The following ATXN10 variants were observed in gnomAD, a reference collection of about 807,000 sequenced individuals.
ATXN10 encodes ataxin 10, also known as ataxin-10.
Under a neutral mutation model 52.9 loss-of-function variants are expected in ATXN10, and 28 were observed. The observed-to-expected ratio is 0.53, with a 90% CI of 0.39 to 0.73. The LOEUF is 0.73. Among genes scored for constraint, ATXN10 ranks in the 30% least tolerant of loss-of-function variants. ATXN10 has a pLI of 0.00. For missense variants in ATXN10, 565 were observed against 577.0 expected (o/e 0.98, Z 0.21); for synonymous variants, 226 against 221.5 (o/e 1.02, Z -0.18).
Position 45,818,304 on chromosome 22 carries a change from G to C in ATXN10, c.1237+11282G>C, listed in dbSNP as rs79630679. 0.088 allele frequency among the ~76,000 whole-genome samples: 13,404 copies of C among 152,178 alleles called. 765 individuals are homozygous for C. Among genetic ancestry groups the C allele is most frequent in the Middle Eastern group, 0.15 (45 of 294 alleles). ...AGTTATGCACTTGTGTGTCTTTAGA[G>C]CCATGGTCACTGCGTCCCTCTCTCT... On this transcript the variant is annotated intron_variant, in intron 10 of 11. Coordinates refer to ENST00000252934, the MANE Select transcript of ATXN10 (RefSeq NM_013236.4). This position sits in a 1 kb window ranked among gnomAD's most constrained non-coding sequence, Gnocchi z 4.6.
chr22:45,738,655 C>A (rs1925392076), intron 7 of ATXN10, 76 bp from the exon 8 acceptor site: 29 of 1,168,220 alleles, frequency 2.5e-5, no homozygotes, highest in East Asian at 8.0e-5. Context: ...ATATTTTATT[C>A]TCTTACAGTT....
Position 45,828,825 on chromosome 22 carries a change from C to A in ATXN10, c.1238-14166C>A, listed in dbSNP as rs963678747. ...TGATGCCTTCACTGGTGAATTCTAG[C>A]AAACATTTCAAGGGGAACTAATACC... On this transcript the variant is annotated intron_variant, in intron 10 of 11. Transcript: ENST00000252934. The surrounding 1 kb of genome is among the most constrained non-coding windows in gnomAD (Gnocchi z 4.5). Among the ~76,000 whole-genome samples the A allele has an allele frequency of 6.6e-6, 1 of 152,146 alleles. No individual in the cohort carries two copies. The highest frequency in any genetic ancestry group is 1.5e-5 in the Non-Finnish European group (1 of 68,018).
In ATXN10 at chr22:45,777,535, C is replaced by G. The variant is rs1009327625; in HGVS notation, c.1174-29424C>G. On this transcript the variant is annotated intron_variant, in intron 9 of 11. Coordinates refer to ENST00000252934, the MANE Select transcript of ATXN10 (RefSeq NM_013236.4). ...GATGATTAATGCATTCAGCTATGTT[C>G]AGCCTCACGTTTAACCAGGTTAGTG... 5.9e-5 allele frequency among the ~76,000 whole-genome samples: 9 copies of G among 152,330 alleles called. No homozygotes were observed. In the South Asian group the frequency reaches 1.9e-3, roughly 32 times the overall value.
At chr22:45,791,020 A>C (rs1406227730) in intron 9 of ATXN10, among the ~76,000 whole-genome samples, 2 of 152,088 alleles carry the variant, frequency 1.3e-5, no homozygotes, top group Non-Finnish European at 2.9e-5. Context: ...ACACCCAGCT[A>C]ATTTTTTAAA....
chr22:45,751,763 A>AAAAAAAAAAAAAAAAAAAT, intron 9 of ATXN10, among the ~76,000 whole-genome samples: 30 of 66,588 alleles, frequency 4.5e-4, no homozygotes, highest in Non-Finnish European at 7.4e-4. Context: ...AATAAAAAAA[A>AAAAAAAAAAAAAAAAAAAT]AATAATAATA....
rs1241686969 is a variant in ATXN10, at chr22:45,789,016, G to T, written c.1174-17943G>T. On this transcript the variant is annotated intron_variant, in intron 9 of 11. Transcript: ENST00000252934. The surrounding 1 kb of genome is among the most constrained non-coding windows in gnomAD (Gnocchi z 4.0). The stretch of plus-strand genomic sequence containing the variant: ...CAAGATACAGATTAAGTTGGCATGA[G>T]GTGGGGCCAAGACATGGGTAGTTTT... Among the ~76,000 whole-genome samples the T allele has an allele frequency of 6.6e-6, 1 of 152,038 alleles. No homozygotes were observed. Among genetic ancestry groups the T allele is most frequent in the Non-Finnish European group, 1.5e-5 (1 of 67,994 alleles).
chr22:45,725,067 A>G (rs377263252), intron 6 of ATXN10, among the ~76,000 whole-genome samples: 39 of 152,302 alleles, frequency 2.6e-4, no homozygotes, highest in African/African-American at 9.1e-4. Flanking sequence ...GACTTGTAGT[A>G]TAATTTGAAG....
chr22:45,785,350 C>T (rs2146857913), intron 9 of ATXN10, among the ~76,000 whole-genome samples: 1 of 152,314 alleles, frequency 6.6e-6, no homozygotes, highest in South Asian at 2.1e-4. Flanking sequence ...CAGCTTTTGA[C>T]ATTTTGCCTA....
chr22:45,750,957 G>T lies in ATXN10; in HGVS notation c.1173+10419G>T, dbSNP rs1239588618. On this transcript the variant is annotated intron_variant, in intron 9 of 11. Coordinates refer to ENST00000252934, the MANE Select transcript of ATXN10 (RefSeq NM_013236.4). This position sits in a 1 kb window ranked among gnomAD's most constrained non-coding sequence, Gnocchi z 4.2. ...CTTTCCTGTTTTTTTTTGAGACAGA[G>T]TCTTGCTTTGTTGCCCAGGCTGGAG... 6.6e-6 allele frequency among the ~76,000 whole-genome samples: 1 copy of T among 151,562 alleles called. No homozygotes were observed. Among genetic ancestry groups the T allele is most frequent in the Non-Finnish European group, 1.5e-5 (1 of 67,962 alleles).
intron 9 of ATXN10, among the ~76,000 whole-genome samples, chr22:45,779,802 A>G (rs1349962356): frequency 6.6e-6 from 1 of 152,240 alleles, no homozygotes; most frequent in Non-Finnish European, 1.5e-5. Context: ...GAATTCGTAC[A>G]TACTTTTTGA....
rs1057498174 is a variant in ATXN10 at position 45,683,382 on chromosome 22, C to T, written c.117-6330C>T. On this transcript the variant is annotated intron_variant, in intron 1 of 11. Coordinates refer to ENST00000252934, the MANE Select transcript of ATXN10 (RefSeq NM_013236.4). The surrounding 1 kb of genome is among the most constrained non-coding windows in gnomAD (Gnocchi z 4.8). ...ATCAGGATAAAAGCCAGCGTCCTTC[C>T]GTGGCCTACTGTGCCTGTCCAGGGT... Among the ~76,000 whole-genome samples, 3 of 152,116 alleles carry T rather than the reference C, an allele frequency of 2.0e-5. No individual in the cohort carries two copies. The highest frequency in any genetic ancestry group is 2.1e-4 in the South Asian group (1 of 4,822).
chr22:45,753,377 C>CTTTTTTTTTTTTTTTTTTTTTTTTT (rs71190680), intron 9 of ATXN10, among the ~76,000 whole-genome samples: 1 of 57,814 alleles, frequency 1.7e-5, no homozygotes. Context: ...CTCTTACCAG[C>CTTTTTTTTTTTTTTTTTTTTTTTTT]TTTTTTTTTT....
At position 45,671,871 on chromosome 22, in the gene ATXN10, A is replaced by G; in HGVS notation, c.-193A>G. 1.9e-6 allele frequency: 1 copy of G among 517,648 alleles called. No individual in the cohort carries two copies. Among genetic ancestry groups the G allele is most frequent in the Non-Finnish European group, 3.2e-6 (1 of 310,238 alleles). The allele number at this position is 517,648 out of a possible 1,614,324, so 32.1% of individuals were successfully genotyped here. On this transcript the variant is annotated 5_prime_UTR_variant, in exon 1 of 12. Coordinates refer to ENST00000252934, the MANE Select transcript of ATXN10 (RefSeq NM_013236.4). ...TCCCGCCTGAGGCGAGTCTGGGCTC[A>G]GCCTAGAGCTCTCCGGCGGCGGCGC...
At chr22:45,778,873 T>C (rs1412447397) in intron 9 of ATXN10, among the ~76,000 whole-genome samples, 1 of 152,200 alleles carries the variant, frequency 6.6e-6, no homozygotes, top group Non-Finnish European at 1.5e-5. Flanking sequence ...TAATTTGATA[T>C]TTGTACAAAA....
At chr22:45,676,522 C>T (rs1922698130) in intron 1 of ATXN10, 1 of 151,782 alleles carries the variant, frequency 6.6e-6, no homozygotes, top group Non-Finnish European at 1.5e-5. Context: ...TCTTGTTGCC[C>T]AGGTTGGAGT....
At chr22:45,694,045 T>C (rs1923489165) in intron 3 of ATXN10, among the ~76,000 whole-genome samples, 1 of 152,188 alleles carries the variant, frequency 6.6e-6, no homozygotes, top group Non-Finnish European at 1.5e-5. Flanking sequence ...GTGTCTGTCC[T>C]TAGAGAACTC....
intron 9 of ATXN10, among the ~76,000 whole-genome samples, chr22:45,791,626 T>G (rs1352676159): frequency 2.0e-5 from 3 of 152,230 alleles, no homozygotes; most frequent in African/African-American, 4.8e-5. Context: ...TTGAGAAAAG[T>G]CTGCCTGAAC....
rs1325534965 is a variant in ATXN10, at chr22:45,770,570, C to G, written c.1173+30032C>G. Among the ~76,000 whole-genome samples, 2 of 150,220 alleles carry G rather than the reference C, an allele frequency of 1.3e-5. No individual in the cohort carries two copies. Among genetic ancestry groups the G allele is most frequent in the Non-Finnish European group, 3.0e-5 (2 of 66,750 alleles). Reference sequence around the variant, plus strand: ...TGAATGAGCTGGATGATAGGCAGACCTGGACTCTGGAGTCCTCCCAGAATG... The same window carrying G: ...TGAATGAGCTGGATGATAGGCAGACGTGGACTCTGGAGTCCTCCCAGAATG... On this transcript the variant is annotated intron_variant, in intron 9 of 11. Coordinates refer to ENST00000252934, the MANE Select transcript of ATXN10 (RefSeq NM_013236.4). This position sits in a 1 kb window ranked among gnomAD's most constrained non-coding sequence, Gnocchi z 4.5.
chr22:45,821,855 C>T (rs897950533), intron 10 of ATXN10, among the ~76,000 whole-genome samples: 1 of 152,076 alleles, frequency 6.6e-6, no homozygotes, highest in Admixed American at 6.6e-5. Flanking sequence ...AAAAGTGAAG[C>T]CAATATATAT....
Sources: gnomAD v4.1 joint callset for allele counts (sites outside exome capture counted in the v4.1 genomes callset) on GRCh38, gnomAD v4.1.1 for gene constraint, Gnocchi (gnomAD v3.1) non-coding constraint, MANE v1.5 for transcripts, NCBI Gene and HGNC (gene_info 2026-07-23, HGNC 2026-07-21) for gene names.